The following SAMD4A variants were observed in gnomAD, a reference collection of about 807,000 sequenced individuals.
SAMD4A encodes the protein protein Smaug homolog 1.
SAMD4A carries 33 observed loss-of-function variants against 81.3 expected under a neutral mutation model. The ratio of observed to expected loss-of-function variants is 0.41; its 90% CI spans 0.31 to 0.54. The LOEUF is 0.54. SAMD4A is among the 20% of genes least tolerant of loss of function. The pLI is 0.37. For missense variants in SAMD4A, 854 were observed against 951.1 expected (o/e 0.90, Z 1.34); for synonymous variants, 389 against 382.1 (o/e 1.02, Z -0.21).
chr14:54,766,212 A>G lies in SAMD4A; in HGVS notation c.1596+1672A>G, dbSNP rs114041414. Among the ~76,000 whole-genome samples the G allele has an allele frequency of 7.0e-3, 1,069 of 152,196 alleles. 12 individuals are homozygous for G. The highest frequency in any genetic ancestry group is 0.025 in the African/African-American group (1,026 of 41,530). On this transcript the variant is annotated intron_variant, in intron 8 of 12. Coordinates refer to ENST00000554335, the MANE Select transcript of SAMD4A (RefSeq NM_015589.6). The stretch of plus-strand genomic sequence containing the variant: ...CACAAGCCTTGACTAATCCTTTTCT[A>G]TTTCGAATCCTGACACTGGACTCGT...
At chr14:54,647,662 C>T (rs558869395) in intron 2 of SAMD4A, among the ~76,000 whole-genome samples, 2 of 152,098 alleles carry the variant, frequency 1.3e-5, no homozygotes, top group Non-Finnish European at 2.9e-5. Flanking sequence ...GATAGGGAGA[C>T]GGGTGTGTAA....
At chr14:54,685,275 C>CT (rs1491265844) in intron 2 of SAMD4A, among the ~76,000 whole-genome samples, 1 of 5,794 alleles carries the variant, frequency 1.7e-4, no homozygotes, top group African/African-American at 1.9e-4. Flanking sequence ...ATTCTTCCTG[C>CT]CCCCCCCCCC....
chr14:54,689,225 G>T (rs1217263841), intron 2 of SAMD4A, among the ~76,000 whole-genome samples: 1 of 152,026 alleles, frequency 6.6e-6, no homozygotes, highest in African/African-American at 2.4e-5. Context: ...GAGCCACCGC[G>T]CCCGGCCCAG....
intron 4 of SAMD4A, among the ~76,000 whole-genome samples, chr14:54,739,518 C>CAAA (rs11301120): frequency 3.5e-4 from 48 of 135,340 alleles, no homozygotes; most frequent in African/African-American, 1.3e-3. Context: ...AGTTAAATGG[C>CAAA]AAAAAAAAAA....
At chr14:54,688,546 C>T (rs900876565) in intron 2 of SAMD4A, among the ~76,000 whole-genome samples, 1 of 152,204 alleles carries the variant, frequency 6.6e-6, no homozygotes, top group Non-Finnish European at 1.5e-5. Context: ...ATCGTGGCTT[C>T]CCTGTCTATC....
intron 3 of SAMD4A, among the ~76,000 whole-genome samples, chr14:54,720,966 C>A (rs945955208): frequency 6.6e-6 from 1 of 152,174 alleles, no homozygotes; most frequent in Non-Finnish European, 1.5e-5. Context: ...CAGCTTACAA[C>A]AGTTTGTTGA....
chr14:54,773,703 T>C (rs2038763947), intron 9 of SAMD4A, among the ~76,000 whole-genome samples: 1 of 152,202 alleles, frequency 6.6e-6, no homozygotes, highest in African/African-American at 2.4e-5. Flanking sequence ...GCCTGTGAAG[T>C]GAAGGCAGTC....
chr14:54,741,298 T>C (rs775409047), intron 4 of SAMD4A, among the ~76,000 whole-genome samples: 1 of 152,140 alleles, frequency 6.6e-6, no homozygotes, highest in Non-Finnish European at 1.5e-5. Flanking sequence ...GGAGAGAAAG[T>C]ATAGAAGTCA....
chr14:54,574,618 A>G (rs2033233848), intron 2 of SAMD4A, among the ~76,000 whole-genome samples: 1 of 152,200 alleles, frequency 6.6e-6, no homozygotes, highest in Non-Finnish European at 1.5e-5. Flanking sequence ...ATATTTAAAG[A>G]TACGAAAATG....
intron 2 of SAMD4A, among the ~76,000 whole-genome samples, chr14:54,646,501 T>C (rs1423992967): frequency 1.3e-5 from 2 of 152,220 alleles, no homozygotes; most frequent in African/African-American, 4.8e-5. Context: ...CTGCCATTGA[T>C]CCAGGGTGCA....
chr14:54,653,038 C>T (rs1178005390), intron 2 of SAMD4A, among the ~76,000 whole-genome samples: 2 of 152,060 alleles, frequency 1.3e-5, no homozygotes, highest in Non-Finnish European at 2.9e-5. Flanking sequence ...TTCATGCCCT[C>T]TCGGGTGCTC....
chr14:54,660,406 C>T (rs2035614686), intron 2 of SAMD4A, among the ~76,000 whole-genome samples: 1 of 152,198 alleles, frequency 6.6e-6, no homozygotes, highest in African/African-American at 2.4e-5. Flanking sequence ...CCATTTGCCC[C>T]AGCATAAAGT....
chr14:54,749,332 T>G (rs1161580547), intron 5 of SAMD4A, among the ~76,000 whole-genome samples: 1 of 152,312 alleles, frequency 6.6e-6, no homozygotes, highest in East Asian at 1.9e-4. Flanking sequence ...GGGCTTGGCT[T>G]GTTTGGGAAG....
chr14:54,704,389 A>T (rs949200884), intron 3 of SAMD4A, among the ~76,000 whole-genome samples: 7 of 152,214 alleles, frequency 4.6e-5, no homozygotes, highest in Admixed American at 1.3e-4. Flanking sequence ...TTTGTATTTT[A>T]AACAGTTGAG....
At position 54,737,292 on chromosome 14, in the gene SAMD4A, G is replaced by C; in HGVS notation, c.979+5G>C. 3 of 1,613,674 alleles carry C rather than the reference G, an allele frequency of 1.9e-6. No homozygotes were observed. The highest frequency in any genetic ancestry group is 1.7e-4 in the Middle Eastern group (1 of 6,056). On this transcript the variant is annotated splice_donor_5th_base_variant and intron_variant, in intron 4 of 12. Transcript: ENST00000554335. ...AAGAAGGTAGTGGGATGAAAGGTGA[G>C]TGACTAAATGAGAAACCACTGGGGA...
At chr14:54,576,816 C>T (rs1448852650) in intron 2 of SAMD4A, among the ~76,000 whole-genome samples, 2 of 152,156 alleles carry the variant, frequency 1.3e-5, no homozygotes, top group Non-Finnish European at 2.9e-5. Flanking sequence ...GTTTCAGTGA[C>T]TGTTACAGGC....
chr14:54,780,592 T>G (rs1258860420), intron 11 of SAMD4A, among the ~76,000 whole-genome samples: 1 of 152,200 alleles, frequency 6.6e-6, no homozygotes, highest in Non-Finnish European at 1.5e-5. Context: ...TGTTCAGGAC[T>G]GGCAGACAAT....
intron 2 of SAMD4A, among the ~76,000 whole-genome samples, chr14:54,589,050 C>T (rs537277632): frequency 2.0e-5 from 3 of 152,234 alleles, no homozygotes; most frequent in Middle Eastern, 3.4e-3. Flanking sequence ...ATAACATTTT[C>T]GTACTTGCAT....
chr14:54,744,814 G>A (rs764324914), intron 4 of SAMD4A, among the ~76,000 whole-genome samples: 1 of 152,168 alleles, frequency 6.6e-6, no homozygotes, highest in East Asian at 1.9e-4. Context: ...AAGGAACCTC[G>A]TTCTCCAGCT....
Sources: allele counts gnomAD v4.1 joint callset (sites outside exome capture counted in the v4.1 genomes callset), GRCh38; gene constraint gnomAD v4.1.1; transcripts MANE v1.5; gene names NCBI Gene and HGNC (gene_info 2026-07-23, HGNC 2026-07-21).